The following LY75 variants were observed in gnomAD, a reference collection of about 807,000 sequenced individuals.
The protein encoded by LY75 is lymphocyte antigen 75.
In LY75, 185 loss-of-function variants were observed where a neutral mutation model predicts 231.7. The observed-to-expected ratio is 0.80, with a 90% confidence interval of 0.71 to 0.90. The LOEUF (loss-of-function observed/expected upper bound fraction) is 0.90. LY75 is among the 40% of genes least tolerant of loss of function. The pLI is 0.00. For missense variants in LY75, 1,947 were observed against 2,050.2 expected, an observed-to-expected ratio of 0.95 and a Z score of 0.97; for synonymous variants, 668 against 689.0, an observed-to-expected ratio of 0.97 and a Z score of 0.48.
intron 16 of LY75, among the ~76,000 whole-genome samples, chr2:159,856,885 C>T (rs1327482639): frequency 6.6e-6 from 1 of 152,114 alleles, no homozygotes. Context: ...TGTTTAAACT[C>T]TGGGGTCTGC....
chr2:159,838,937 A>G (rs1251014192), intron 25 of LY75, among the ~76,000 whole-genome samples: 1 of 152,098 alleles, frequency 6.6e-6, no homozygotes, highest in Admixed American at 6.6e-5. Context: ...CTGGGGTTAC[A>G]GACGCCCGCC....
At chr2:159,826,818 C>T (rs2125837969) in intron 28 of LY75, among the ~76,000 whole-genome samples, 1 of 152,320 alleles carries the variant, frequency 6.6e-6, no homozygotes, top group Non-Finnish European at 1.5e-5. Flanking sequence ...CTACAACCAT[C>T]TGATCTTTGA....
chr2:159,888,046 T>C (rs1685646226), intron 4 of LY75, among the ~76,000 whole-genome samples: 1 of 152,212 alleles, frequency 6.6e-6, no homozygotes, highest in Non-Finnish European at 1.5e-5. Flanking sequence ...TTTGGCTTAT[T>C]TGGCAGATTT....
At chr2:159,831,627 A>C in intron 28 of LY75, 43 bp downstream of exon 28, 1 of 1,591,758 alleles carries the variant, frequency 6.3e-7, no homozygotes, top group South Asian at 1.1e-5. Flanking sequence ...GTTATAATGA[A>C]GTACAAAAAC....
At chr2:159,839,036 T>C (rs1472117886) in intron 25 of LY75, among the ~76,000 whole-genome samples, 1 of 152,152 alleles carries the variant, frequency 6.6e-6, no homozygotes, top group Non-Finnish European at 1.5e-5. Context: ...CCTCAAGTGA[T>C]CCACCCACTT....
chr2:159,874,681 A>ATATATTT (rs1254434122), intron 12 of LY75, among the ~76,000 whole-genome samples: 1 of 12,562 alleles, frequency 8.0e-5, no homozygotes, highest in Non-Finnish European at 1.4e-4. Context: ...TTGTAAATAT[A>ATATATTT]TGTAAATATA....
intron 23 of LY75, among the ~76,000 whole-genome samples, chr2:159,847,915 T>C (rs1418228029): frequency 1.3e-5 from 2 of 151,928 alleles, no homozygotes; most frequent in Non-Finnish European, 2.9e-5. Context: ...TTTATGATTG[T>C]GTAAAACTGG....
At chr2:159,875,400 G>C (rs771672241) in intron 12 of LY75, 44 bp downstream of exon 12, 5 of 1,596,050 alleles carry the variant, frequency 3.1e-6, no homozygotes, top group South Asian at 2.3e-5. Context: ...AAGGGTAGTG[G>C]AAAAATAACT....
At position 159,834,068 on chromosome 2, in the gene LY75, C is replaced by T. The variant is rs759072816; in HGVS notation, c.3817G>A (p.Val1273Ile). Residue 1273 changes from valine (V) to isoleucine (I), a missense_variant, in exon 27 of 35, where the codon GTT becomes ATT. Coordinates refer to ENST00000263636, the MANE Select transcript of LY75 (RefSeq NM_002349.4). The stretch of plus-strand genomic sequence containing the variant: ...CTCAGTTTCTGGCATTTAGTATGAA[C>T]TTCATCCTGTGTTGTTGCCATATGC... Reference protein sequence around the residue: ...NRHMATTQDEVHTKCQKLNPK... With the variant: ...NRHMATTQDEIHTKCQKLNPK... The T allele has an allele frequency of 2.5e-6, 4 of 1,613,744 alleles. No homozygotes were observed. The Admixed American group carries it at 6.7e-5, about 27-fold the overall frequency.
chr2:159,885,307 A>AT lies in LY75; in HGVS notation c.914-15dup. On this transcript the variant is annotated splice_polypyrimidine_tract_variant and intron_variant, in intron 5 of 34. Transcript: ENST00000263636. ...CACTGGGCCTGTCTTAAAAGGGAAC[A>AT]TTTTTCAAAGCATTAGAATGAGAAA... The AT allele has an allele frequency of 1.2e-6, 2 of 1,609,128 alleles. No homozygotes were observed. Among genetic ancestry groups the AT allele is most frequent in the Admixed American group, 1.7e-5 (1 of 59,302 alleles).
chr2:159,850,597 A>G (rs1574557035), intron 21 of LY75, 130 bp from the exon 22 acceptor site: 1 of 1,140,480 alleles, frequency 8.8e-7, no homozygotes, highest in South Asian at 1.7e-5. Context: ...GCAATGTAGT[A>G]CCATAAGAAT....
At chr2:159,883,024 G>A (rs16844469) in intron 6 of LY75, among the ~76,000 whole-genome samples, 37,165 of 150,788 alleles carry the variant, frequency 0.25, 5,264 homozygotes, top group South Asian at 0.59. Flanking sequence ...TTCTATCCCC[G>A]TTAACAAAAC....
chr2:159,899,079 A>C lies in LY75; in HGVS notation c.95-20T>G, dbSNP rs770034557. On this transcript the variant is annotated intron_variant, in intron 1 of 34. Transcript: ENST00000263636. ...CATTAGCTGAGTCAAATGGACAGACAGATTGTAGATTATGTGGTTGAAGCG... is the reference window on the plus strand; with the variant it reads ...CATTAGCTGAGTCAAATGGACAGACCGATTGTAGATTATGTGGTTGAAGCG... 10 of 1,601,872 alleles carry C rather than the reference A, an allele frequency of 6.2e-6. No individual in the cohort carries two copies. Among genetic ancestry groups the C allele is most frequent in the African/African-American group, 4.0e-5 (3 of 74,758 alleles).
Position 159,904,262 on chromosome 2 carries a change from A to C in LY75, c.94+327T>G, listed in dbSNP as rs1686167114. 3.3e-5 allele frequency among the ~76,000 whole-genome samples: 5 copies of C among 152,212 alleles called. No homozygotes were observed. The South Asian group carries it at 1.0e-3, about 32-fold the overall frequency. ...GGGAACCCCATACTCCAGCAACATT[A>C]TATAAGAGAGGCGACGATGGAGCAG... On this transcript the variant is annotated intron_variant, in intron 1 of 34. Coordinates refer to ENST00000263636, the MANE Select transcript of LY75 (RefSeq NM_002349.4).
Position 159,893,918 on chromosome 2 carries a change from C to T in LY75, c.633G>A (p.Lys211=). The T allele has an allele frequency of 6.2e-7, 1 of 1,610,048 alleles. No homozygotes were observed. The highest frequency in any genetic ancestry group is 8.5e-7 in the Non-Finnish European group (1 of 1,178,032). The change falls in exon 3 of 35, where the codon AAG becomes AAA. Residue 211 remains lysine (K), a synonymous_variant. Transcript: ENST00000263636. ...EYDRKWGICL[K]PENGCEDNWE... Reference sequence around the variant, plus strand: ...AATTTACCAGCCCATACATACCAGGCTTTAAGCAGATGCCCCACTTTCGGT... The same window carrying T: ...AATTTACCAGCCCATACATACCAGGTTTTAAGCAGATGCCCCACTTTCGGT...
chr2:159,886,869 G>C (rs1685602383), intron 4 of LY75, among the ~76,000 whole-genome samples: 1 of 152,052 alleles, frequency 6.6e-6, no homozygotes, highest in Non-Finnish European at 1.5e-5. Context: ...ATCAAAAGCA[G>C]TTTCCATTGT....
Position 159,804,971 on chromosome 2 carries a change from C to A in LY75, c.*73G>T. On this transcript the variant is annotated 3_prime_UTR_variant, in exon 35 of 35. Coordinates refer to ENST00000263636, the MANE Select transcript of LY75 (RefSeq NM_002349.4). ...GTTCTACTTTGGAGCAGAGTAAATA[C>A]TGACACTGGGACATTTTAAGTGACT... 2.5e-6 allele frequency: 3 copies of A among 1,215,142 alleles called. No individual in the cohort carries two copies. Among genetic ancestry groups the A allele is most frequent in the Non-Finnish European group, 3.6e-6 (3 of 845,038 alleles). The allele number at this position is 1,215,142 out of a possible 1,614,324, so 75.3% of individuals were successfully genotyped here. A position where few individuals can be genotyped will look rare whatever the true frequency, so the allele number is the denominator to read the frequency against.
At chr2:159,880,869 G>A (rs925911332) in intron 8 of LY75, among the ~76,000 whole-genome samples, 2 of 152,270 alleles carry the variant, frequency 1.3e-5, no homozygotes, top group African/African-American at 2.4e-5. Flanking sequence ...GACAGGAGGC[G>A]GAGTTCAGGC....
intron 12 of LY75, among the ~76,000 whole-genome samples, 180 bp from the exon 13 acceptor site, chr2:159,872,773 A>G (rs995558250): frequency 4.6e-5 from 7 of 152,156 alleles, no homozygotes; most frequent in African/African-American, 1.7e-4. Flanking sequence ...TGTCAATTCA[A>G]CTAAAGGCCA....
Sources: gnomAD v4.1 joint callset for allele counts (sites outside exome capture counted in the v4.1 genomes callset) on GRCh38, gnomAD v4.1.1 for gene constraint, MANE v1.5 for transcripts, NCBI Gene and HGNC (gene_info 2026-07-23, HGNC 2026-07-21) for gene names.